The following RIGI variants were observed in gnomAD, a reference collection of about 807,000 sequenced individuals.
RIGI encodes antiviral innate immune response receptor RIG-I.
the RIGI span, chr9:32,489,280 A>G: frequency 2.6e-6 from 3 of 1,174,540 alleles, no homozygotes; most frequent in Non-Finnish European, 2.5e-6. Context: ...CTGTCCCAGT[A>G]TTCAACAAAA....
At chr9:32,487,844 G>A in the RIGI span, 7 of 1,412,262 alleles carry the variant, frequency 5.0e-6, no homozygotes, top group African/African-American at 7.2e-5. Context: ...ATATGGACTT[G>A]GGACCTGAGA....
chr9:32,469,454 A>T, the RIGI span, among the ~76,000 whole-genome samples: 3 of 152,190 alleles, frequency 2.0e-5, no homozygotes, highest in Non-Finnish European at 4.4e-5. Flanking sequence ...TCATGAATGG[A>T]GAAGCAGAGA....
the RIGI span, among the ~76,000 whole-genome samples, chr9:32,505,013 AATAT>A: frequency 1.5e-5 from 2 of 131,456 alleles, no homozygotes; most frequent in African/African-American, 5.4e-5. Flanking sequence ...TATATGTTTA[AATAT>A]ATATCTATTA....
chr9:32,492,970 C>G, the RIGI span, among the ~76,000 whole-genome samples: 1 of 152,138 alleles, frequency 6.6e-6, no homozygotes, highest in African/African-American at 2.4e-5. Flanking sequence ...TGTACACATA[C>G]TCTGTGCAAG....
chr9:32,463,523 T>C, the RIGI span, among the ~76,000 whole-genome samples: 1 of 152,278 alleles, frequency 6.6e-6, no homozygotes, highest in Non-Finnish European at 1.5e-5. Context: ...AATTATATAC[T>C]GAAATTCAAT....
At chr9:32,477,338 C>T in the RIGI span, among the ~76,000 whole-genome samples, 1 of 152,084 alleles carries the variant, frequency 6.6e-6, no homozygotes, top group South Asian at 2.1e-4. Context: ...TCTTTTGATC[C>T]AATAATTCTA....
chr9:32,481,098 G>T, the RIGI span, among the ~76,000 whole-genome samples: 1 of 152,174 alleles, frequency 6.6e-6, no homozygotes, highest in East Asian at 1.9e-4. Flanking sequence ...AATGCTAGAG[G>T]CATGGCATAG....
chr9:32,459,279 AAT>A, the RIGI span: 12 of 1,414,322 alleles, frequency 8.5e-6, no homozygotes, highest in Non-Finnish European at 1.2e-5. Flanking sequence ...TAACAATGGA[AAT>A]AATAGTAGTT....
At chr9:32,495,073 T>C in the RIGI span, among the ~76,000 whole-genome samples, 3 of 152,238 alleles carry the variant, frequency 2.0e-5, no homozygotes, top group Non-Finnish European at 4.4e-5. Flanking sequence ...TGGTGATATA[T>C]ATTTTCAATT....
At chr9:32,500,480 A>AAC in the RIGI span, among the ~76,000 whole-genome samples, 1 of 152,194 alleles carries the variant, frequency 6.6e-6, no homozygotes, top group African/African-American at 2.4e-5. Flanking sequence ...AATTGTTATT[A>AAC]TTAAAAATGA....
At chr9:32,515,784 G>A in the RIGI span, among the ~76,000 whole-genome samples, 2 of 152,258 alleles carry the variant, frequency 1.3e-5, no homozygotes, top group South Asian at 2.1e-4. Flanking sequence ...GTAAGGGAAC[G>A]TTTTTTTAGT....
the RIGI span, chr9:32,459,627 T>C: frequency 9.7e-7 from 1 of 1,028,850 alleles, no homozygotes; most frequent in East Asian, 2.8e-5. Flanking sequence ...ATCATTCATA[T>C]ACAACTTCCA....
At chr9:32,470,928 T>C in the RIGI span, among the ~76,000 whole-genome samples, 1 of 152,230 alleles carries the variant, frequency 6.6e-6, no homozygotes, top group Non-Finnish European at 1.5e-5. Context: ...AAGAAAATAC[T>C]TCAGTGGTCT....
chr9:32,474,938 C>A, the RIGI span, among the ~76,000 whole-genome samples: 1 of 152,130 alleles, frequency 6.6e-6, no homozygotes, highest in East Asian at 1.9e-4. Flanking sequence ...CCAATTTTAT[C>A]TTTATGTATT....
the RIGI span, among the ~76,000 whole-genome samples, chr9:32,476,783 A>G: frequency 1.3e-5 from 2 of 152,000 alleles, no homozygotes; most frequent in Non-Finnish European, 2.9e-5. Flanking sequence ...GGTGCACAGC[A>G]CCAGCTAATT....
At chr9:32,478,665 T>C in the RIGI span, among the ~76,000 whole-genome samples, 3 of 152,036 alleles carry the variant, frequency 2.0e-5, no homozygotes, top group South Asian at 6.3e-4. Flanking sequence ...GCTCAGGTGA[T>C]CCTCCCACCT....
At chr9:32,517,877 A>G in the RIGI span, among the ~76,000 whole-genome samples, 2 of 152,204 alleles carry the variant, frequency 1.3e-5, no homozygotes, top group East Asian at 3.8e-4. Flanking sequence ...ATAAAATGTA[A>G]ATGGTCAAAT....
the RIGI span, among the ~76,000 whole-genome samples, chr9:32,479,136 C>T: frequency 6.6e-6 from 1 of 152,142 alleles, no homozygotes; most frequent in Non-Finnish European, 1.5e-5. Context: ...CATTGCAACC[C>T]TTGGTTGGCC....
the RIGI span, chr9:32,493,983 A>G: frequency 4.3e-6 from 6 of 1,403,320 alleles, no homozygotes; most frequent in Non-Finnish European, 5.8e-6. Flanking sequence ...TATGAAACCA[A>G]CTGAAAAATA....
Sources: gnomAD v4.1 joint callset for allele counts (sites outside exome capture counted in the v4.1 genomes callset) on GRCh38, gnomAD v4.1.1 for gene constraint, MANE v1.5 for transcripts, NCBI Gene and HGNC (gene_info 2026-07-23, HGNC 2026-07-21) for gene names.